The following GCFC2 variants were observed in gnomAD, a reference collection of about 807,000 sequenced individuals.
GCFC2 encodes intron Large complex component GCFC2.
Under a neutral mutation model 99.4 loss-of-function variants are expected in GCFC2, and 102 were observed. The observed-to-expected ratio is 1.03, with a 90% CI of 0.87 to 1.21. The LOEUF (loss-of-function observed/expected upper bound fraction) is 1.21. Ranked by LOEUF, GCFC2 falls within the 50% of genes most tolerant of loss-of-function variation. The probability of loss-of-function intolerance (pLI) is 0.00; values close to 1 mark genes in which losing one functional copy is unlikely to be tolerated. For missense variants in GCFC2, 973 were observed against 920.9 expected, an observed-to-expected ratio of 1.06 and a Z score of -0.73; for synonymous variants, 338 against 316.8, an observed-to-expected ratio of 1.07 and a Z score of -0.71.
chr2:75,690,556 C>T (rs146884561), intron 8 of GCFC2, 82 bp downstream of exon 8: 46 of 764,040 alleles, frequency 6.0e-5, no homozygotes, highest in Non-Finnish European at 9.1e-5. Flanking sequence ...TAGTTAATGA[C>T]ATCATGTGGT....
chr2:75,662,917 A>C lies in GCFC2; in HGVS notation c.*1749T>G, dbSNP rs1016913486. ...CTGCCACTTACGTAAAAAAAAAAAA[A>C]AAACCCAAAACTATGTACACATAGA... On this transcript the variant is annotated 3_prime_UTR_variant, in exon 17 of 17. Coordinates refer to ENST00000321027, the MANE Select transcript of GCFC2 (RefSeq NM_003203.5). 1.3e-5 allele frequency: 2 copies of C among 151,804 alleles called. No homozygotes were observed. Among genetic ancestry groups the C allele is most frequent in the African/African-American group, 2.4e-5 (1 of 41,366 alleles). The allele number at this position is 151,804 out of a possible 1,614,324, so 9.4% of individuals were successfully genotyped here. A position where few individuals can be genotyped will look rare whatever the true frequency, so the allele number is the denominator to read the frequency against.
At chr2:75,665,783 G>A (rs1020614337) in intron 16 of GCFC2, 146 bp downstream of exon 16, 1 of 489,620 alleles carries the variant, frequency 2.0e-6, no homozygotes, top group East Asian at 3.3e-5. Context: ...CCATCCCAAA[G>A]GTAACCATAA....
intron 7 of GCFC2, 28 bp from the exon 8 acceptor site, chr2:75,690,747 C>A: frequency 9.0e-7 from 1 of 1,107,124 alleles, no homozygotes; most frequent in Non-Finnish European, 1.3e-6. Context: ...TGACTTCATA[C>A]TACAAATTCT....
Position 75,689,986 on chromosome 2 carries a change from T to A in GCFC2, c.1322A>T (p.Asp441Val). ...DDELPSAEMI[D>V]FQKSQGDILQ... Reference sequence around the variant, plus strand: ...TAACTGACCTTGGCTTTTTTGGAAGTCAATCATCTCTGCTGAAGGCAGTTC... The same window carrying A: ...TAACTGACCTTGGCTTTTTTGGAAGACAATCATCTCTGCTGAAGGCAGTTC... The change falls in exon 9 of 17, where the codon GAC becomes GTC. Residue 441 changes from aspartate to valine, a missense_variant. Physicochemically the swap from Asp to Val is radical, Grantham distance 152. Transcript: ENST00000321027. The A allele has an allele frequency of 6.3e-7, 1 of 1,590,696 alleles. No homozygotes were observed. Among genetic ancestry groups the A allele is most frequent in the Non-Finnish European group, 8.6e-7 (1 of 1,163,078 alleles).
intron 1 of GCFC2, among the ~76,000 whole-genome samples, chr2:75,709,796 A>G (rs1037425424): frequency 1.3e-5 from 2 of 152,360 alleles, no homozygotes; most frequent in African/African-American, 2.4e-5. Flanking sequence ...GTTGTACACT[A>G]TAAGTATATA....
chr2:75,692,137 C>T (rs1250162529), intron 6 of GCFC2, 37 bp from the exon 7 acceptor site: 3 of 849,598 alleles, frequency 3.5e-6, no homozygotes, highest in Non-Finnish European at 4.9e-6. Flanking sequence ...TGCAGGTCAT[C>T]GATAATGAAA....
chr2:75,703,270 C>A (rs543599585), intron 2 of GCFC2, among the ~76,000 whole-genome samples: 2 of 152,122 alleles, frequency 1.3e-5, no homozygotes, highest in African/African-American at 4.8e-5. Context: ...GCACTTCAAA[C>A]TACTAAAAAG....
chr2:75,686,274 A>G (rs1403482546), intron 11 of GCFC2, among the ~76,000 whole-genome samples: 1 of 152,126 alleles, frequency 6.6e-6, no homozygotes, highest in Non-Finnish European at 1.5e-5. Flanking sequence ...TAAATTTTAA[A>G]TTTATAAATA....
upstream of GCFC2, among the ~76,000 whole-genome samples, chr2:75,712,611 C>G (rs7566936): frequency 1.1e-4 from 17 of 151,840 alleles, no homozygotes; most frequent in African/African-American, 3.9e-4. Context: ...TTTGTTCTTT[C>G]GCTCTTTGCA....
chr2:75,712,811 T>G (rs1040019541), upstream of GCFC2, among the ~76,000 whole-genome samples: 18 of 152,040 alleles, frequency 1.2e-4, no homozygotes, highest in Admixed American at 7.9e-4. Flanking sequence ...GCTGTAACGC[T>G]CACCGCGAGG....
At position 75,676,301 on chromosome 2, in the gene GCFC2, C is replaced by A. The variant is rs182245729; in HGVS notation, c.1813-2781G>T. ...AGGGGATCATTATCTCCTGAGGCTG[C>A]CCATAACTTTGGACTATTAGATTTC... On this transcript the variant is annotated intron_variant, in intron 12 of 16. Transcript: ENST00000321027. Among the ~76,000 whole-genome samples, 263 of 152,230 alleles carry A rather than the reference C, an allele frequency of 1.7e-3. 1 individual carries two copies. Among genetic ancestry groups the A allele is most frequent in the African/African-American group, 6.1e-3 (255 of 41,534 alleles).
rs2104445265 is a variant in GCFC2, at chr2:75,710,778, A to T, written c.78T>A (p.Pro26=). ...SSDSDGAEES[P]AEPGAPRELP... ...GTTCCCTCGGCGCCCCAGGCTCAGCAGGCGACTCCTCGGCGCCATCGCTGT... is the reference window on the plus strand; with the variant it reads ...GTTCCCTCGGCGCCCCAGGCTCAGCTGGCGACTCCTCGGCGCCATCGCTGT... The change falls in exon 1 of 17, where the codon CCT becomes CCA. Residue 26 remains proline, a synonymous_variant. Transcript: ENST00000321027. The T allele has an allele frequency of 6.3e-7, 1 of 1,575,134 alleles. No individual in the cohort carries two copies.
rs149830403 is a variant in GCFC2, at chr2:75,673,677, T to C, written c.1813-157A>G. ...GTACAAAAAAAACCTTATTTATCCA[T>C]GTTGCTACATATGGGTATAGTTGGA... is the stretch of plus-strand genomic sequence containing the variant. On this transcript the variant is annotated intron_variant, in intron 12 of 16. Transcript: ENST00000321027. Among the ~76,000 whole-genome samples, 123 of 152,376 alleles carry C rather than the reference T, an allele frequency of 8.1e-4. No homozygotes were observed. The East Asian group carries it at 0.019, about 23-fold the overall frequency.
intron 3 of GCFC2, 54 bp downstream of exon 3, chr2:75,702,145 A>G: frequency 6.4e-7 from 1 of 1,552,524 alleles, no homozygotes; most frequent in Non-Finnish European, 8.8e-7. Context: ...AGATTCTCTC[A>G]TATTATATTC....
chr2:75,690,703 G>A lies in GCFC2; in HGVS notation c.1161C>T (p.Ser387=), dbSNP rs1159851528. The change falls in exon 8 of 17, where the codon TCC becomes TCT. Residue 387 remains serine, a synonymous_variant. Transcript: ENST00000321027. ...LQQLSRKDET[S]TSGNFSVDEK... is the part of the protein sequence containing the mutation. ...CATCTACTGAGAAGTTTCCACTTGT[G>A]GATGTCTCATCTTTGCCTGTTAATA... 3 of 1,547,218 alleles carry A rather than the reference G, an allele frequency of 1.9e-6. No homozygotes were observed. The highest frequency in any genetic ancestry group is 2.7e-6 in the Non-Finnish European group (3 of 1,126,048).
rs1291847219 is a variant in GCFC2, at chr2:75,696,219, T to C, written c.814A>G (p.Lys272Glu). ...SFPPVNLEIIKKQLNTRLTLL... is the reference protein window; with the variant it reads ...SFPPVNLEIIEKQLNTRLTLL... Reference sequence around the variant, plus strand: ...GCTCACCTAGTATTTAATTGCTTCTTTATAATTTCTAAATTTACTGGCGGA... The same window carrying C: ...GCTCACCTAGTATTTAATTGCTTCTCTATAATTTCTAAATTTACTGGCGGA... The change falls in exon 5 of 17, where the codon AAG becomes GAG. Residue 272 changes from lysine to glutamate, a missense_variant. By Grantham distance (56) the Lys-to-Glu change is moderately conservative. Transcript: ENST00000321027. 2.2e-6 allele frequency: 3 copies of C among 1,341,698 alleles called. No homozygotes were observed. Among genetic ancestry groups the C allele is most frequent in the Non-Finnish European group, 3.2e-6 (3 of 934,686 alleles). The allele number at this position is 1,341,698 out of a possible 1,614,324, so 83.1% of individuals were successfully genotyped here. A position where few individuals can be genotyped will look rare whatever the true frequency, so the allele number is the denominator to read the frequency against.
upstream of GCFC2, chr2:75,711,110 C>G: frequency 3.1e-6 from 4 of 1,274,006 alleles, no homozygotes; most frequent in Non-Finnish European, 3.9e-6. Flanking sequence ...GGACTGACAC[C>G]TTAGAGATTT....
chr2:75,708,607 G>C (rs1680977433), intron 1 of GCFC2, among the ~76,000 whole-genome samples: 1 of 149,272 alleles, frequency 6.7e-6, no homozygotes, highest in Admixed American at 6.8e-5. Context: ...TGCCTCCCGG[G>C]TTCAAGTGAT....
rs1322085224 is a variant in GCFC2, at chr2:75,665,886, C to T, written c.2228+43G>A. 3.0e-6 allele frequency: 4 copies of T among 1,352,286 alleles called. No homozygotes were observed. In the South Asian group the frequency reaches 4.0e-5, roughly 14 times the overall value. The allele number at this position is 1,352,286 out of a possible 1,614,324, so 83.8% of individuals were successfully genotyped here. A position where few individuals can be genotyped will look rare whatever the true frequency, so the allele number is the denominator to read the frequency against. On this transcript the variant is annotated intron_variant, in intron 16 of 16. Transcript: ENST00000321027. ...AAAAGTTGTTGAGAGCATACAGAATCCATGAACTCTCTTTATAGAAGTGAA... is the reference window on the plus strand; with the variant it reads ...AAAAGTTGTTGAGAGCATACAGAATTCATGAACTCTCTTTATAGAAGTGAA...
Sources: allele counts gnomAD v4.1 joint callset (sites outside exome capture counted in the v4.1 genomes callset), GRCh38; gene constraint gnomAD v4.1.1; transcripts MANE v1.5; gene names NCBI Gene and HGNC (gene_info 2026-07-23, HGNC 2026-07-21).